The following NAA25 variants were observed in gnomAD, a reference collection of about 807,000 sequenced individuals.
NAA25 encodes N-alpha-acetyltransferase 25, NatB auxiliary subunit.
NAA25 carries 30 observed loss-of-function variants against 132.5 expected under a neutral mutation model. The ratio of observed to expected loss-of-function variants is 0.23; its 90% CI spans 0.17 to 0.31. NAA25 has a LOEUF of 0.31. Among genes scored for constraint, NAA25 ranks in the 10% least tolerant of loss-of-function variants. The pLI is 1.00. For missense variants in NAA25, 771 were observed against 1,150.4 expected, an observed-to-expected ratio of 0.67 and a Z score of 4.77; for synonymous variants, 359 against 401.9, an observed-to-expected ratio of 0.89 and a Z score of 1.28.
chr12:112,107,058 A>C (rs1475273059), intron 1 of NAA25, among the ~76,000 whole-genome samples: 1 of 151,666 alleles, frequency 6.6e-6, no homozygotes. Context: ...TCAAGAGTTC[A>C]AGTCCAGCCT....
rs557819149 is a variant in NAA25, at chr12:112,079,173, T to C, written c.478-432A>G. The stretch of plus-strand genomic sequence containing the variant: ...TTACTAGTAGCTAGTTACCTTAAAT[T>C]GGTAACAACAATTAACACATGAAAT... On this transcript the variant is annotated intron_variant, in intron 5 of 23. Transcript: ENST00000261745. 2.0e-5 allele frequency among the ~76,000 whole-genome samples: 3 copies of C among 152,310 alleles called. No individual in the cohort carries two copies. In the East Asian group the frequency reaches 5.8e-4, roughly 29 times the overall value.
At chr12:112,099,134 G>A (rs538691054) in intron 1 of NAA25, among the ~76,000 whole-genome samples, 10 of 151,854 alleles carry the variant, frequency 6.6e-5, no homozygotes, top group Admixed American at 3.9e-4. Flanking sequence ...CTACAGGTGC[G>A]CACCACCACA....
intron 4 of NAA25, among the ~76,000 whole-genome samples, chr12:112,086,051 AATAT>A (rs1555238696): frequency 5.6e-4 from 21 of 37,376 alleles, no homozygotes; most frequent in East Asian, 2.6e-3. Flanking sequence ...AAAAAAAAAA[AATAT>A]ATATATATAT....
Position 112,053,821 on chromosome 12 carries a change from T to A in NAA25, c.1629-164A>T, listed in dbSNP as rs188508347. Among the ~76,000 whole-genome samples, 674 of 114,218 alleles carry A rather than the reference T, an allele frequency of 5.9e-3. No individual in the cohort carries two copies. The highest frequency in any genetic ancestry group is 9.6e-3 in the African/African-American group (301 of 31,316). 74.9% of individuals were successfully genotyped at this position (114,218 alleles called of 152,430 possible). A position where few individuals can be genotyped will look rare whatever the true frequency, so the allele number is the denominator to read the frequency against. On this transcript the variant is annotated intron_variant, in intron 14 of 23. Transcript: ENST00000261745. ...ATGATCTAATTCACCAGTTAAAATT[T>A]AAAAAAAAAAAAAAAAAAAAGCCAA...
At chr12:112,090,975 T>A in intron 2 of NAA25, 111 bp from the exon 3 acceptor site, 1 of 1,084,726 alleles carries the variant, frequency 9.2e-7, no homozygotes, top group Non-Finnish European at 1.3e-6. Context: ...GTTGCTGATA[T>A]ACTAGTTTCA....
intron 1 of NAA25, among the ~76,000 whole-genome samples, chr12:112,105,309 A>G (rs1434004223): frequency 6.6e-6 from 1 of 152,158 alleles, no homozygotes; most frequent in African/African-American, 2.4e-5. Flanking sequence ...TCCTGTCTCA[A>G]AAAAATAACG....
At chr12:112,095,021 G>A (rs746300052) in intron 1 of NAA25, among the ~76,000 whole-genome samples, 1 of 152,132 alleles carries the variant, frequency 6.6e-6, no homozygotes, top group Non-Finnish European at 1.5e-5. Flanking sequence ...ATTGTGTTAG[G>A]CTGAGTGTGG....
At chr12:112,033,449 A>G in intron 22 of NAA25, 70 bp from the exon 23 acceptor site, 1 of 1,397,004 alleles carries the variant, frequency 7.2e-7, no homozygotes, top group Non-Finnish European at 9.5e-7. Flanking sequence ...CACAAAAGCT[A>G]CTGAAAGATG....
rs988419478 is a variant in NAA25, at chr12:112,090,864, C to T, written c.145G>A (p.Val49Ile). The change falls in exon 3 of 24, where the codon GTT (valine) becomes ATT (isoleucine). Residue 49 changes from valine to isoleucine, a missense_variant and splice_region_variant. Physicochemically the swap from Val to Ile is conservative, Grantham distance 29. Transcript: ENST00000261745. ...KKHKDLHCAK[V>I]LKAIGLQRTG... is the part of the protein sequence containing the mutation. ...CTCTGTAAACCAATTGCCTTTAAAA[C>T]CTGATAGCAACAAAAGAAAAATCAG... 6.9e-6 allele frequency: 11 copies of T among 1,590,654 alleles called. No individual in the cohort carries two copies. Among genetic ancestry groups the T allele is most frequent in the African/African-American group, 1.4e-5 (1 of 73,294 alleles).
In NAA25 at chr12:112,071,937, T is replaced by C; in HGVS notation, c.994A>G (p.Arg332Gly). Residue 332 changes from arginine to glycine, a missense_variant, in exon 10 of 24, where the codon AGG becomes GGG. Transcript: ENST00000261745. ...GPHLAKLELI[R>G]RLRSQGCNDE... is the part of the protein sequence containing the mutation. ...TTACAACCTTGACTTCGTAAACGCC[T>C]AATCAGCTCCAATTTAGCTAGATGT... 6.2e-7 allele frequency: 1 copy of C among 1,614,046 alleles called. No homozygotes were observed. The highest frequency in any genetic ancestry group is 8.5e-7 in the Non-Finnish European group (1 of 1,179,990).
intron 1 of NAA25, among the ~76,000 whole-genome samples, chr12:112,105,412 C>A (rs972665638): frequency 6.6e-6 from 1 of 152,090 alleles, no homozygotes; most frequent in Non-Finnish European, 1.5e-5. Flanking sequence ...AAAAGGAGAC[C>A]AAATAATCAA....
At chr12:112,089,367 C>T (rs2079099609) in intron 3 of NAA25, among the ~76,000 whole-genome samples, 1 of 152,160 alleles carries the variant, frequency 6.6e-6, no homozygotes, top group African/African-American at 2.4e-5. Flanking sequence ...AACTGCTATT[C>T]TATTTATAAA....
chr12:112,037,052 G>A (rs533513070), intron 22 of NAA25, among the ~76,000 whole-genome samples: 1 of 151,620 alleles, frequency 6.6e-6, no homozygotes, highest in Non-Finnish European at 1.5e-5. Flanking sequence ...TCTGATTTCA[G>A]TTCACTGAAA....
intron 22 of NAA25, among the ~76,000 whole-genome samples, chr12:112,036,963 T>C (rs1483479982): frequency 3.3e-5 from 5 of 151,480 alleles, no homozygotes; most frequent in African/African-American, 1.2e-4. Flanking sequence ...TGAACCCCAA[T>C]AGCAATGAGC....
chr12:112,041,967 A>G (rs776220231), intron 20 of NAA25, 72 bp downstream of exon 20: 10 of 885,058 alleles, frequency 1.1e-5, no homozygotes, highest in Non-Finnish European at 1.7e-5. Flanking sequence ...GCTTGGGAAT[A>G]GGGGAAAGAA....
intron 3 of NAA25, chr12:112,090,176 A>G (rs1295641086): frequency 1.3e-5 from 2 of 152,052 alleles, no homozygotes; most frequent in Non-Finnish European, 2.9e-5. Context: ...AGTTTTCATT[A>G]TTACACATCA....
chr12:112,048,495 G>A (rs2078420515), intron 15 of NAA25, 52 bp from the exon 16 acceptor site: 2 of 1,529,126 alleles, frequency 1.3e-6, no homozygotes, highest in African/African-American at 2.7e-5. Flanking sequence ...GTCAGGCAAT[G>A]TAAGCAAACC....
At chr12:112,087,409 TAG>T (rs1227129831) in intron 4 of NAA25, among the ~76,000 whole-genome samples, 1 of 152,214 alleles carries the variant, frequency 6.6e-6, no homozygotes, top group Admixed American at 6.5e-5. Flanking sequence ...TCTGATGCAG[TAG>T]GACAATCTGA....
intron 1 of NAA25, among the ~76,000 whole-genome samples, chr12:112,100,101 G>C (rs2079271146): frequency 6.6e-6 from 1 of 152,168 alleles, no homozygotes; most frequent in African/African-American, 2.4e-5. Context: ...GTGCAAGATT[G>C]CAAGGGACAA....
Sources: allele counts gnomAD v4.1 joint callset (sites outside exome capture counted in the v4.1 genomes callset), GRCh38; gene constraint gnomAD v4.1.1; transcripts MANE v1.5; gene names NCBI Gene and HGNC (gene_info 2026-07-23, HGNC 2026-07-21).